Variants in DPP10 observed in about 807,000 individuals in gnomAD.
DPP10 encodes the protein dipeptidyl peptidase like 10.
Under a neutral mutation model 120.9 loss-of-function variants are expected in DPP10, and 33 were observed. The observed-to-expected ratio is 0.27, with a 90% CI of 0.21 to 0.37. The LOEUF is 0.37. Ranked by LOEUF, DPP10 falls within the 10% of genes least tolerant of loss-of-function variation. The pLI is 1.00. For missense variants in DPP10, 816 were observed against 942.8 expected (o/e 0.87, Z 1.76); for synonymous variants, 337 against 326.1 (o/e 1.03, Z -0.36).
intron 1 of DPP10, among the ~76,000 whole-genome samples, chr2:114,738,491 A>C (rs1677685719): frequency 6.6e-6 from 1 of 152,184 alleles, no homozygotes; most frequent in African/African-American, 2.4e-5. Context: ...CTCTAGTGGA[A>C]AAAATAAAGC....
chr2:114,743,870 G>A (rs1274976821), intron 1 of DPP10, among the ~76,000 whole-genome samples: 1 of 152,054 alleles, frequency 6.6e-6, no homozygotes, highest in Non-Finnish European at 1.5e-5. Context: ...CTTGGTGGTG[G>A]ATGTGATCGG....
At chr2:114,892,621 G>A (rs1385408176) in intron 1 of DPP10, among the ~76,000 whole-genome samples, 2 of 152,186 alleles carry the variant, frequency 1.3e-5, no homozygotes, top group African/African-American at 2.4e-5. Flanking sequence ...TGGCAGGCGC[G>A]TCAGTAACCA....
intron 5 of DPP10, among the ~76,000 whole-genome samples, chr2:115,545,696 C>T (rs1333322275): frequency 6.6e-6 from 1 of 152,086 alleles, no homozygotes; most frequent in East Asian, 1.9e-4. Context: ...GAAATTAAAT[C>T]ACAAATCCCC....
chr2:115,355,769 C>T (rs1468735955), intron 3 of DPP10, among the ~76,000 whole-genome samples: 4 of 152,212 alleles, frequency 2.6e-5, no homozygotes, highest in Non-Finnish European at 5.9e-5. Flanking sequence ...CAGCTTTCTG[C>T]ATATGGCTAG....
At chr2:114,556,734 G>A (rs1366983321) in intron 1 of DPP10, among the ~76,000 whole-genome samples, 2 of 152,120 alleles carry the variant, frequency 1.3e-5, no homozygotes, top group Non-Finnish European at 2.9e-5. Context: ...AGATTTGGAG[G>A]TCTAATAGAT....
chr2:115,805,316 A>G (rs1055118357), intron 19 of DPP10, among the ~76,000 whole-genome samples: 4 of 152,110 alleles, frequency 2.6e-5, no homozygotes, highest in African/African-American at 7.2e-5. Flanking sequence ...CCGATTTTCC[A>G]GGTGCCATCT....
At chr2:114,838,521 G>A (rs994288048) in intron 1 of DPP10, among the ~76,000 whole-genome samples, 3 of 151,962 alleles carry the variant, frequency 2.0e-5, no homozygotes, top group African/African-American at 7.2e-5. Flanking sequence ...CACCATGTTG[G>A]TAAAGTTGGT....
intron 1 of DPP10, among the ~76,000 whole-genome samples, chr2:115,259,100 C>T (rs1047668879): frequency 6.6e-6 from 1 of 152,076 alleles, no homozygotes; most frequent in Non-Finnish European, 1.5e-5. Context: ...ATTTGTCTTC[C>T]AACCTGAGGA....
At chr2:115,369,572 A>G (rs2065277715) in intron 3 of DPP10, among the ~76,000 whole-genome samples, 1 of 152,086 alleles carries the variant, frequency 6.6e-6, no homozygotes, top group African/African-American at 2.4e-5. Flanking sequence ...TATTTCCAGT[A>G]AAATGTTTGG....
chr2:114,537,717 A>T (rs569672348), intron 1 of DPP10, among the ~76,000 whole-genome samples: 1 of 152,344 alleles, frequency 6.6e-6, no homozygotes, highest in East Asian at 1.9e-4. Flanking sequence ...GGGTTTCATT[A>T]TCACCATTTC....
intron 5 of DPP10, among the ~76,000 whole-genome samples, chr2:115,564,123 C>T (rs56347641): frequency 0.097 from 14,685 of 151,728 alleles, 1,070 homozygotes; most frequent in East Asian, 0.24. Flanking sequence ...TAAAATATGC[C>T]AGCCCTCGAT....
chr2:114,536,552 C>T (rs1214430881), intron 1 of DPP10, among the ~76,000 whole-genome samples: 1 of 151,878 alleles, frequency 6.6e-6, no homozygotes, highest in Admixed American at 6.6e-5. Context: ...ACTACAGGCG[C>T]CCGCTACCAT....
chr2:114,786,795 T>C (rs1356775060), intron 1 of DPP10, among the ~76,000 whole-genome samples: 2 of 152,062 alleles, frequency 1.3e-5, no homozygotes, highest in Non-Finnish European at 2.9e-5. Context: ...GGTGTTCTGG[T>C]CAAAAAAGCC....
intron 1 of DPP10, among the ~76,000 whole-genome samples, chr2:114,848,412 T>C (rs561695725): frequency 1.3e-5 from 2 of 152,146 alleles, no homozygotes; most frequent in South Asian, 2.1e-4. Context: ...CACATGGCAC[T>C]CAAAGAGTAA....
At chr2:115,837,549 G>T (rs1264684734) in intron 24 of DPP10, among the ~76,000 whole-genome samples, 1 of 152,138 alleles carries the variant, frequency 6.6e-6, no homozygotes, top group Non-Finnish European at 1.5e-5. Flanking sequence ...CCTCTTTAGG[G>T]TGGGTTCCAC....
At chr2:115,707,460 A>ACTCT (rs1318942744) in intron 7 of DPP10, among the ~76,000 whole-genome samples, 4 of 140,622 alleles carry the variant, frequency 2.8e-5, no homozygotes, top group African/African-American at 1.2e-4. Context: ...ACACACACAC[A>ACTCT]CACTCTCTCC....
At chr2:114,521,359 T>C (rs1433538902) in intron 1 of DPP10, among the ~76,000 whole-genome samples, 1 of 150,978 alleles carries the variant, frequency 6.6e-6, no homozygotes, top group African/African-American at 2.4e-5. Context: ...TCAAAAACTG[T>C]CACCGCATTA....
chr2:115,417,010 T>C (rs1250354180), intron 3 of DPP10, among the ~76,000 whole-genome samples: 1 of 152,188 alleles, frequency 6.6e-6, no homozygotes, highest in African/African-American at 2.4e-5. Flanking sequence ...ATTTCAGAGA[T>C]GTGTTCTGTA....
chr2:115,161,946 G>A (rs1573840239), intron 1 of DPP10: 1 of 1,439,808 alleles, frequency 6.9e-7, no homozygotes, highest in Non-Finnish European at 9.1e-7. Flanking sequence ...CGCCAGCGCG[G>A]GCCGCCGGCG....
Sources: gnomAD v4.1 joint callset for allele counts (sites outside exome capture counted in the v4.1 genomes callset) on GRCh38, gnomAD v4.1.1 for gene constraint, MANE v1.5 for transcripts, NCBI Gene and HGNC (gene_info 2026-07-23, HGNC 2026-07-21) for gene names.